FRYL: variants seen among roughly 807,000 people sequenced by gnomAD.
FRYL encodes protein furry homolog-like.
In FRYL, 150 loss-of-function variants were observed where a neutral mutation model predicts 351.2. That is an observed-to-expected ratio of 0.43 (90% confidence interval 0.37 to 0.49). FRYL has a LOEUF of 0.49. Ranked by LOEUF, FRYL falls within the 20% of genes least tolerant of loss-of-function variation. FRYL has a pLI of 0.00. For missense variants in FRYL, 3,036 were observed against 3,619.3 expected, an observed-to-expected ratio of 0.84 and a Z score of 4.13; for synonymous variants, 1,153 against 1,257.1, an observed-to-expected ratio of 0.92 and a Z score of 1.75.
At chr4:48,711,225 T>A (rs912960978) in intron 1 of FRYL, among the ~76,000 whole-genome samples, 1 of 152,142 alleles carries the variant, frequency 6.6e-6, no homozygotes, top group African/African-American at 2.4e-5. Flanking sequence ...GGTCAGTGGG[T>A]GCAGCGCACC....
At position 48,540,739 on chromosome 4, in the gene FRYL, C is replaced by T. The variant is rs1729971843; in HGVS notation, c.5909G>A (p.Ser1970Asn). 2 of 1,614,056 alleles carry T rather than the reference C, an allele frequency of 1.2e-6. No individual in the cohort carries two copies. The highest frequency in any genetic ancestry group is 1.7e-6 in the Non-Finnish European group (2 of 1,179,944). ...LDIMDGRINH[S>N]SSLARTRSLS... ...GCTTCTAGTCCTTGCTAAACTACTG[C>T]TATGGTTTATCCGTCCATCCATTAT... Residue 1970 changes from serine to asparagine, a missense_variant, in exon 46 of 64, where the codon AGC becomes AAC. Coordinates refer to ENST00000358350, the MANE Select transcript of FRYL (RefSeq NM_015030.2).
intron 13 of FRYL, among the ~76,000 whole-genome samples, chr4:48,599,897 C>G (rs1204501214): frequency 6.6e-6 from 1 of 152,016 alleles, no homozygotes. Flanking sequence ...AACTTGAGGT[C>G]AGGAGTTTGA....
chr4:48,717,295 T>G (rs899344358), intron 1 of FRYL, among the ~76,000 whole-genome samples: 2 of 150,978 alleles, frequency 1.3e-5, no homozygotes, highest in African/African-American at 4.9e-5. Context: ...CAAAAAAACA[T>G]TATGCTAACT....
At chr4:48,531,841 G>C (rs1313958138) in intron 49 of FRYL, among the ~76,000 whole-genome samples, 3 of 151,808 alleles carry the variant, frequency 2.0e-5, no homozygotes, top group Non-Finnish European at 4.4e-5. Flanking sequence ...TTTCTTGATG[G>C]CCCAGGCCCC....
intron 5 of FRYL, among the ~76,000 whole-genome samples, chr4:48,621,267 T>C (rs1750583177): frequency 6.6e-6 from 1 of 152,176 alleles, no homozygotes; most frequent in Non-Finnish European, 1.5e-5. Flanking sequence ...AAGAGGAGAA[T>C]TATAATTACT....
intron 1 of FRYL, among the ~76,000 whole-genome samples, chr4:48,726,604 C>G (rs1770117875): frequency 6.6e-6 from 1 of 152,152 alleles, no homozygotes; most frequent in African/African-American, 2.4e-5. Context: ...ATTGCTTGAA[C>G]CCGGGAAGCA....
intron 53 of FRYL, among the ~76,000 whole-genome samples, chr4:48,524,451 A>G (rs1033082228): frequency 6.6e-6 from 1 of 152,146 alleles, no homozygotes; most frequent in African/African-American, 2.4e-5. Context: ...CACTCAATAT[A>G]TATTTGGTGA....
At chr4:48,706,426 T>A (rs1767351105) in intron 2 of FRYL, among the ~76,000 whole-genome samples, 1 of 152,172 alleles carries the variant, frequency 6.6e-6, no homozygotes, top group Admixed American at 6.6e-5. Context: ...ATTCCACTTA[T>A]GAGGTACCTA....
rs3838234 is a variant in FRYL at position 48,535,586 on chromosome 4, TACACACACACAC to T, written c.6564+59_6564+70del. On this transcript the variant is annotated intron_variant, in intron 48 of 63. Transcript: ENST00000358350. ...ATATATATGTGTATATATATACACA[TACACACACACAC>T]ACACACACACACACACATATATATA... 20 of 458,386 alleles carry T rather than the reference TACACACACACAC, an allele frequency of 4.4e-5. No individual in the cohort carries two copies. In the East Asian group the frequency reaches 4.9e-4, roughly 11 times the overall value. 28.4% of individuals were successfully genotyped at this position (458,386 alleles called of 1,614,324 possible). A position where few individuals can be genotyped will look rare whatever the true frequency, so the allele number is the denominator to read the frequency against.
intron 37 of FRYL, 112 bp downstream of exon 37, chr4:48,551,382 T>C (rs894244387): frequency 1.5e-5 from 9 of 589,588 alleles, no homozygotes; most frequent in African/African-American, 1.5e-4. Flanking sequence ...TTTTTTTCAC[T>C]CGAATTTTAA....
At chr4:48,666,782 A>T (rs904003917) in intron 3 of FRYL, among the ~76,000 whole-genome samples, 1 of 152,208 alleles carries the variant, frequency 6.6e-6, no homozygotes, top group African/African-American at 2.4e-5. Context: ...CAAGTTGACT[A>T]GAAATGTGCA....
chr4:48,593,845 T>G (rs552038583), intron 16 of FRYL, 85 bp downstream of exon 16: 24 of 573,096 alleles, frequency 4.2e-5, no homozygotes, highest in Non-Finnish European at 6.9e-5. Flanking sequence ...GAGCTGGGAT[T>G]TGAACCTAAG....
At chr4:48,528,410 C>G (rs568209911) in intron 50 of FRYL, 74 bp from the exon 51 acceptor site, 20 of 1,107,820 alleles carry the variant, frequency 1.8e-5, no homozygotes, top group Non-Finnish European at 2.4e-5. Flanking sequence ...GTTAACAGTG[C>G]ACCTATAATA....
Position 48,498,543 on chromosome 4 carries a change from G to T in FRYL, c.*879C>A, listed in dbSNP as rs1347975977. On this transcript the variant is annotated 3_prime_UTR_variant, in exon 64 of 64. Coordinates refer to ENST00000358350, the MANE Select transcript of FRYL (RefSeq NM_015030.2). ...TAAAGTCTCTGCAGGCATCTACTTTGGTTAGTTATCAACAATCATAACATA... is the reference window on the plus strand; with the variant it reads ...TAAAGTCTCTGCAGGCATCTACTTTTGTTAGTTATCAACAATCATAACATA... 6.6e-6 allele frequency: 1 copy of T among 152,488 alleles called. No individual in the cohort carries two copies. The highest frequency in any genetic ancestry group is 2.4e-5 in the African/African-American group (1 of 41,384). 9.4% of individuals were successfully genotyped at this position (152,488 alleles called of 1,614,324 possible).
At chr4:48,661,420 T>C (rs1215552825) in intron 3 of FRYL, among the ~76,000 whole-genome samples, 1 of 152,194 alleles carries the variant, frequency 6.6e-6, no homozygotes, top group Non-Finnish European at 1.5e-5. Flanking sequence ...CTTTCAGGAC[T>C]ACAGTACAGG....
chr4:48,614,345 CA>C (rs755271130), intron 7 of FRYL, among the ~76,000 whole-genome samples: 91 of 152,196 alleles, frequency 6.0e-4, no homozygotes, highest in Middle Eastern at 3.4e-3. Context: ...TCTTTAGCAA[CA>C]AGAATTTCTA....
At chr4:48,761,941 G>A (rs1774462795) in intron 1 of FRYL, among the ~76,000 whole-genome samples, 1 of 152,190 alleles carries the variant, frequency 6.6e-6, no homozygotes, top group African/African-American at 2.4e-5. Context: ...TCTACCCAAA[G>A]TGATGACAGG....
chr4:48,511,957 T>A (rs1055893157), intron 57 of FRYL, among the ~76,000 whole-genome samples: 2 of 152,184 alleles, frequency 1.3e-5, no homozygotes, highest in African/African-American at 4.8e-5. Flanking sequence ...AGTTGTGGTG[T>A]CAGAACACTT....
In FRYL at chr4:48,512,569, G is replaced by T. The variant is rs1722703698; in HGVS notation, c.8057C>A (p.Ala2686Asp). The change falls in exon 57 of 64, where the codon GCC becomes GAC. Residue 2686 changes from alanine to aspartate, a missense_variant. Coordinates refer to ENST00000358350, the MANE Select transcript of FRYL (RefSeq NM_015030.2). The stretch of plus-strand genomic sequence containing the variant: ...CATCTGATTGACGTGGCAGCGCCAG[G>T]CTTCCTCTTCATCATCATATGCCAC... ...QPVAYDDEEEAWRCHVNQMLS... is the reference protein window; with the variant it reads ...QPVAYDDEEEDWRCHVNQMLS... The T allele has an allele frequency of 6.2e-7, 1 of 1,613,908 alleles. No homozygotes were observed. The highest frequency in any genetic ancestry group is 1.1e-5 in the South Asian group (1 of 91,092).
Sources: allele counts gnomAD v4.1 joint callset (sites outside exome capture counted in the v4.1 genomes callset), GRCh38; gene constraint gnomAD v4.1.1; transcripts MANE v1.5; gene names NCBI Gene and HGNC (gene_info 2026-07-23, HGNC 2026-07-21).